The following TBCK variants were observed in gnomAD, a reference collection of about 807,000 sequenced individuals.
TBCK encodes TBC domain-containing protein kinase-like protein.
In TBCK, 99 loss-of-function variants were observed where a neutral mutation model predicts 113.4. That is an observed-to-expected ratio of 0.87 (90% CI 0.74 to 1.03). The LOEUF is 1.03. Among genes scored for constraint, TBCK ranks in the 50% least tolerant of loss-of-function variants. TBCK has a pLI of 0.00. For missense variants in TBCK, 1,045 were observed against 1,061.3 expected, an observed-to-expected ratio of 0.98 and a Z score of 0.21; for synonymous variants, 369 against 370.8, an observed-to-expected ratio of 1.00 and a Z score of 0.05.
At chr4:106,205,301 A>G in intron 20 of TBCK, among the ~76,000 whole-genome samples, 1 of 152,158 alleles carries the variant, frequency 6.6e-6, no homozygotes, top group East Asian at 1.9e-4. Context: ...TCAGCAACCA[A>G]TATTTTTCAA....
rs535888905 is a variant in TBCK, at chr4:106,298,330, G to A, written c.194-3164C>T. 7.2e-5 allele frequency among the ~76,000 whole-genome samples: 11 copies of A among 151,998 alleles called. No homozygotes were observed. In the East Asian group the frequency reaches 7.7e-4, roughly 11 times the overall value. The stretch of plus-strand genomic sequence containing the variant: ...AATTAATATATGCCAAAAAGAAGAC[G>A]TGGCCGGGCACGGTAGCTCACGCCT... On this transcript the variant is annotated intron_variant, in intron 2 of 25. Coordinates refer to ENST00000394708, the MANE Select transcript of TBCK (RefSeq NM_001163435.3).
intron 2 of TBCK, among the ~76,000 whole-genome samples, chr4:106,306,931 T>C (rs1767587703): frequency 6.6e-6 from 1 of 152,198 alleles, no homozygotes; most frequent in Admixed American, 6.5e-5. Flanking sequence ...TTAACATGTC[T>C]GTGTGTATAT....
At chr4:106,060,704 T>G (rs985898526) in intron 25 of TBCK, among the ~76,000 whole-genome samples, 1 of 151,676 alleles carries the variant, frequency 6.6e-6, no homozygotes, top group African/African-American at 2.4e-5. Context: ...AGAAATACAT[T>G]TTGTAAGGCT....
chr4:106,220,387 T>G (rs1040125907), intron 19 of TBCK, among the ~76,000 whole-genome samples: 1 of 152,212 alleles, frequency 6.6e-6, no homozygotes, highest in Non-Finnish European at 1.5e-5. Flanking sequence ...CATGTGGAAA[T>G]GTAAGTCCAA....
At chr4:106,313,987 T>C (rs775044275) in intron 1 of TBCK, among the ~76,000 whole-genome samples, 11 of 152,208 alleles carry the variant, frequency 7.2e-5, no homozygotes, top group Non-Finnish European at 1.3e-4. Context: ...ACAGGGATCA[T>C]GAAGTTAAAA....
chr4:106,147,526 C>T (rs1448461999), intron 23 of TBCK, among the ~76,000 whole-genome samples: 1 of 152,154 alleles, frequency 6.6e-6, no homozygotes, highest in African/African-American at 2.4e-5. Context: ...CAAATTAATA[C>T]TTTCAAAATT....
chr4:106,179,787 TTC>T lies in TBCK; in HGVS notation c.2060-8519_2060-8518del, dbSNP rs376911139. Among the ~76,000 whole-genome samples, 419 of 152,170 alleles carry T rather than the reference TTC, an allele frequency of 2.8e-3. 2 individuals are homozygous for T. The highest frequency in any genetic ancestry group is 9.4e-3 in the African/African-American group (389 of 41,552). Reference sequence around the variant, plus strand: ...CTACAGTACAGTTTAACTCCAGTGTTTCTGTGTTGACTTTCTGTCTGGATGAC... The same window carrying T: ...CTACAGTACAGTTTAACTCCAGTGTTTGTGTTGACTTTCTGTCTGGATGAC... On this transcript the variant is annotated intron_variant, in intron 22 of 25. Coordinates refer to ENST00000394708, the MANE Select transcript of TBCK (RefSeq NM_001163435.3).
At chr4:106,210,147 A>G (rs1228109895) in intron 20 of TBCK, among the ~76,000 whole-genome samples, 1 of 152,186 alleles carries the variant, frequency 6.6e-6, no homozygotes, top group Non-Finnish European at 1.5e-5. Flanking sequence ...GAAAGCAGAA[A>G]TGGAATCTCC....
intron 25 of TBCK, among the ~76,000 whole-genome samples, chr4:106,086,318 A>G (rs1322143744): frequency 1.3e-5 from 2 of 152,214 alleles, no homozygotes; most frequent in Non-Finnish European, 2.9e-5. Context: ...ATGCAAAGAA[A>G]CTAGAAAATC....
chr4:106,305,437 C>T (rs991815938), intron 2 of TBCK, among the ~76,000 whole-genome samples: 2 of 152,052 alleles, frequency 1.3e-5, no homozygotes, highest in Non-Finnish European at 2.9e-5. Flanking sequence ...ACATAACAGA[C>T]AGAAGAGCCA....
At chr4:106,304,904 G>T (rs890095638) in intron 2 of TBCK, among the ~76,000 whole-genome samples, 9 of 152,118 alleles carry the variant, frequency 5.9e-5, no homozygotes, top group African/African-American at 1.7e-4. Flanking sequence ...GCATTTCTGA[G>T]TCACTTTCTC....
intron 20 of TBCK, among the ~76,000 whole-genome samples, chr4:106,208,937 T>C (rs1755832861): frequency 6.6e-6 from 1 of 152,188 alleles, no homozygotes; most frequent in South Asian, 2.1e-4. Context: ...GGTCATGGCA[T>C]GCCTGGCTCA....
At chr4:106,254,985 G>A in intron 5 of TBCK, 1 of 214,268 alleles carries the variant, frequency 4.7e-6, no homozygotes, top group Non-Finnish European at 9.7e-6. Flanking sequence ...GCTCTTTGTA[G>A]GTGTTTGTTC....
intron 17 of TBCK, 139 bp from the exon 18 acceptor site, chr4:106,231,918 T>G: frequency 1.3e-6 from 1 of 767,666 alleles, no homozygotes; most frequent in South Asian, 1.7e-5. Context: ...AATATGTTAC[T>G]TCATGAGTTA....
rs1483310878 is a variant in TBCK at position 106,233,592 on chromosome 4, C to CT, written c.1507dup (p.Arg503LysfsTer4). The CT allele has an allele frequency of 6.2e-7, 1 of 1,610,526 alleles. No individual in the cohort carries two copies. Among genetic ancestry groups the CT allele is most frequent in the Non-Finnish European group, 8.5e-7 (1 of 1,177,978 alleles). ...TTAAGAAAACCTAAATCATACTTGT[C>CT]TATCTGTAGGAATTGGAGTGTCTTT... On this transcript the variant is annotated frameshift_variant, in exon 16 of 26. Coordinates refer to ENST00000394708, the MANE Select transcript of TBCK (RefSeq NM_001163435.3). LOFTEE classifies it high-confidence loss of function.
At chr4:106,270,160 A>G (rs953048123) in intron 3 of TBCK, among the ~76,000 whole-genome samples, 4 of 152,204 alleles carry the variant, frequency 2.6e-5, no homozygotes, top group Non-Finnish European at 5.9e-5. Flanking sequence ...ATTTTGTTAT[A>G]TCATATGTAT....
chr4:106,117,762 C>A (rs942795429), intron 23 of TBCK, among the ~76,000 whole-genome samples: 13 of 152,128 alleles, frequency 8.5e-5, no homozygotes, highest in Admixed American at 6.5e-4. Flanking sequence ...GTAATCCCAG[C>A]ACTTTGGGAG....
At chr4:106,199,836 A>G (rs1754675918) in intron 20 of TBCK, among the ~76,000 whole-genome samples, 1 of 152,260 alleles carries the variant, frequency 6.6e-6, no homozygotes, top group South Asian at 2.1e-4. Context: ...TCTTGCCTAG[A>G]CTATTGCAAT....
chr4:106,279,088 T>C (rs778793780), intron 3 of TBCK, among the ~76,000 whole-genome samples: 47 of 152,176 alleles, frequency 3.1e-4, no homozygotes, highest in Non-Finnish European at 5.9e-4. Flanking sequence ...ATAGACCTTT[T>C]CTATACCTTT....
Sources: allele counts gnomAD v4.1 joint callset (sites outside exome capture counted in the v4.1 genomes callset), GRCh38; gene constraint gnomAD v4.1.1; transcripts MANE v1.5; gene names NCBI Gene and HGNC (gene_info 2026-07-23, HGNC 2026-07-21).